Variants in SOX6 observed in about 807,000 individuals in gnomAD.
SOX6 encodes SRY-box transcription factor 6.
A neutral mutation model predicts 97.8 loss-of-function variants in SOX6; 11 were observed. The observed-to-expected ratio is 0.11, with a 90% CI of 0.07 to 0.19. The LOEUF is 0.19. SOX6 is among the 10% of genes least tolerant of loss of function. SOX6 has a pLI of 1.00. For synonymous variants in SOX6, 360 were observed against 371.4 expected (o/e 0.97, Z 0.35); for missense variants, 810 against 1,039.5 (o/e 0.78, Z 3.04).
chr11:16,132,936 T>C (rs1023705078), intron 6 of SOX6, among the ~76,000 whole-genome samples: 1 of 152,166 alleles, frequency 6.6e-6, no homozygotes, highest in Non-Finnish European at 1.5e-5. Flanking sequence ...TTTATAGTTT[T>C]ATTTCATTGA....
At chr11:16,030,067 G>A (rs376882238) in intron 12 of SOX6, among the ~76,000 whole-genome samples, 8 of 152,200 alleles carry the variant, frequency 5.3e-5, no homozygotes, top group African/African-American at 1.2e-4. Context: ...CAAACTTCTC[G>A]ACTGCTTCGG....
chr11:16,605,604 G>A lies in SOX6; in HGVS notation n.609+6477C>T, dbSNP rs924558732. On this transcript the variant is annotated intron_variant and non_coding_transcript_variant, in intron 4 of 5. Coordinates refer to the SOX6 transcript ENST00000524520. The surrounding 1 kb of genome is among the most constrained non-coding windows in gnomAD (Gnocchi z 5.3). ...AGCGCAAGCGTTTTCTAGCGACCCG[G>A]GTTTTCTTCATGAACTCCTCCGAGT... is the stretch of plus-strand genomic sequence containing the variant. Among the ~76,000 whole-genome samples, 6 of 152,048 alleles carry A rather than the reference G, an allele frequency of 3.9e-5. No homozygotes were observed.
intron 1 of SOX6, among the ~76,000 whole-genome samples, chr11:16,346,523 T>C (rs1028381779): frequency 6.6e-6 from 1 of 152,054 alleles, no homozygotes; most frequent in Non-Finnish European, 1.5e-5. Flanking sequence ...ATTATTTGTA[T>C]TACTTTATAC....
At chr11:16,263,663 A>T (rs1260288843) in intron 3 of SOX6, among the ~76,000 whole-genome samples, 1 of 151,982 alleles carries the variant, frequency 6.6e-6, no homozygotes, top group Non-Finnish European at 1.5e-5. Flanking sequence ...TCATGGTAAC[A>T]TAATTCATAG....
intron 3 of SOX6, among the ~76,000 whole-genome samples, chr11:16,662,378 A>C (rs1847771939): frequency 6.6e-6 from 1 of 152,214 alleles, no homozygotes; most frequent in African/African-American, 2.4e-5. Flanking sequence ...TGTAATTCTT[A>C]ACCTTATTCC....
At chr11:16,523,241 T>A (rs1861101086) in intron 4 of SOX6, among the ~76,000 whole-genome samples, 1 of 152,012 alleles carries the variant, frequency 6.6e-6, no homozygotes, top group South Asian at 2.1e-4. Flanking sequence ...AGTAAAGCTC[T>A]CCTCAGCAAA....
intron 9 of SOX6, among the ~76,000 whole-genome samples, chr11:16,063,832 C>A (rs2133932779): frequency 6.6e-6 from 1 of 151,110 alleles, no homozygotes; most frequent in Non-Finnish European, 1.5e-5. Context: ...CCATTTTAGT[C>A]AATCTTACTT....
intron 1 of SOX6, among the ~76,000 whole-genome samples, chr11:16,415,721 G>T (rs1318971873): frequency 6.6e-6 from 1 of 151,958 alleles, no homozygotes; most frequent in African/African-American, 2.4e-5. Context: ...TATGCACAAA[G>T]AACACCATGG....
At chr11:16,571,503 A>G (rs1250938232) in intron 4 of SOX6, among the ~76,000 whole-genome samples, 1 of 152,090 alleles carries the variant, frequency 6.6e-6, no homozygotes, top group East Asian at 1.9e-4. Flanking sequence ...CGATCACAGC[A>G]TACTACGACC....
intron 1 of SOX6, among the ~76,000 whole-genome samples, chr11:16,457,013 A>C (rs1336243699): frequency 6.6e-6 from 1 of 152,098 alleles, no homozygotes; most frequent in Non-Finnish European, 1.5e-5. Flanking sequence ...TGAAATAAAA[A>C]CTGATTTTTA....
At chr11:16,572,286 C>T (rs898651379) in intron 4 of SOX6, among the ~76,000 whole-genome samples, 4 of 152,084 alleles carry the variant, frequency 2.6e-5, no homozygotes, top group Non-Finnish European at 5.9e-5. Flanking sequence ...AATGTCCGGA[C>T]ATTGAATTGT....
Position 16,697,848 on chromosome 11 carries a change from T to G in SOX6, n.429+16982A>C, listed in dbSNP as rs1313509737. Among the ~76,000 whole-genome samples the G allele has an allele frequency of 2.6e-5, 4 of 152,182 alleles. No individual in the cohort carries two copies. In the South Asian group the frequency reaches 8.3e-4, roughly 32 times the overall value. On this transcript the variant is annotated intron_variant and non_coding_transcript_variant, in intron 3 of 5. Coordinates refer to the SOX6 transcript ENST00000524520. ...GGTGCACTGTCAATGAGCACTGTCT[T>G]GAAAGGAATTTTTTTCTGAGCCGTA...
intron 3 of SOX6, among the ~76,000 whole-genome samples, chr11:16,284,155 G>A (rs1854663791): frequency 6.6e-6 from 1 of 152,036 alleles, no homozygotes; most frequent in African/African-American, 2.4e-5. Context: ...ATCTCTTACA[G>A]TAGAGAACTG....
chr11:16,603,601 C>CGT (rs1848297023), intron 4 of SOX6, among the ~76,000 whole-genome samples: 1 of 152,050 alleles, frequency 6.6e-6, no homozygotes, highest in Non-Finnish European at 1.5e-5. Context: ...CAAGCCAGGA[C>CGT]ATACAATGCC....
intron 3 of SOX6, among the ~76,000 whole-genome samples, chr11:16,655,465 G>C (rs1053907919): frequency 2.0e-5 from 3 of 152,188 alleles, no homozygotes; most frequent in African/African-American, 7.2e-5. Context: ...GAATGAAATG[G>C]AGCCTGAAGA....
At position 15,967,784 on chromosome 11, in the gene SOX6, A is replaced by G. The variant is rs1365123519; in HGVS notation, c.*5025T>C. ...ACTTTATGCTTGTGGTTCTTCAGGA[A>G]TAAGAAACTACTGAGCAAGATATGT... is the stretch of plus-strand genomic sequence containing the variant. On this transcript the variant is annotated 3_prime_UTR_variant, in exon 16 of 16. Transcript: ENST00000683767. 1 of 152,172 alleles carries G rather than the reference A, an allele frequency of 6.6e-6. No homozygotes were observed. Among genetic ancestry groups the G allele is most frequent in the African/African-American group, 2.4e-5 (1 of 41,438 alleles). The allele number at this position is 152,172 out of a possible 1,614,324, so 9.4% of individuals were successfully genotyped here.
At chr11:16,679,571 G>A (rs930062166) in intron 3 of SOX6, among the ~76,000 whole-genome samples, 1 of 152,200 alleles carries the variant, frequency 6.6e-6, no homozygotes, top group African/African-American at 2.4e-5. Context: ...CTAAAGGACT[G>A]CAGCTCTTCA....
chr11:16,338,792 T>C (rs1412564808), intron 2 of SOX6, among the ~76,000 whole-genome samples: 2 of 152,018 alleles, frequency 1.3e-5, no homozygotes, highest in African/African-American at 4.8e-5. Flanking sequence ...TTTTATACTA[T>C]CATAAACCAC....
chr11:16,518,644 C>G (rs1368017690), intron 4 of SOX6, among the ~76,000 whole-genome samples: 1 of 152,032 alleles, frequency 6.6e-6, no homozygotes, highest in Non-Finnish European at 1.5e-5. Flanking sequence ...CAAACTTTAT[C>G]CAGAAAAATC....
Sources: allele counts gnomAD v4.1 joint callset (sites outside exome capture counted in the v4.1 genomes callset), GRCh38; gene constraint gnomAD v4.1.1; non-coding constraint Gnocchi (gnomAD v3.1); transcripts MANE v1.5; gene names NCBI Gene and HGNC (gene_info 2026-07-23, HGNC 2026-07-21).